The following NRXN1 variants were observed in gnomAD, a reference collection of about 807,000 sequenced individuals.
NRXN1 encodes the protein neurexin 1.
A neutral mutation model predicts 150.9 loss-of-function variants in NRXN1; 39 were observed. That is an observed-to-expected ratio of 0.26 (90% CI 0.20 to 0.34). The LOEUF is 0.34. Among genes scored for constraint, NRXN1 ranks in the 10% least tolerant of loss-of-function variants. NRXN1 has a pLI of 1.00. For synonymous variants in NRXN1, 924 were observed against 757.0 expected, an observed-to-expected ratio of 1.22 and a Z score of -3.62; for missense variants, 1,815 against 1,949.9, an observed-to-expected ratio of 0.93 and a Z score of 1.30.
chr2:50,243,906 C>T (rs2066267531), intron 17 of NRXN1, among the ~76,000 whole-genome samples: 1 of 151,642 alleles, frequency 6.6e-6, no homozygotes, highest in South Asian at 2.1e-4. Context: ...CAAAATAAAA[C>T]AATTGAGAAA....
chr2:50,431,830 A>G (rs2084988922), intron 17 of NRXN1, among the ~76,000 whole-genome samples: 1 of 150,728 alleles, frequency 6.6e-6, no homozygotes. Context: ...GATGGTTCTC[A>G]ACTTTTTTTT....
intron 2 of NRXN1, among the ~76,000 whole-genome samples, chr2:50,948,108 C>G (rs1197205312): frequency 1.3e-5 from 2 of 151,870 alleles, no homozygotes; most frequent in Non-Finnish European, 2.9e-5. Context: ...GCATATGGCA[C>G]AGACACCACA....
chr2:50,581,895 T>C (rs1028102829), intron 8 of NRXN1, among the ~76,000 whole-genome samples: 9 of 152,146 alleles, frequency 5.9e-5, no homozygotes, highest in African/African-American at 2.2e-4. Flanking sequence ...TAGGTGCGCT[T>C]GGAACCATGG....
intron 8 of NRXN1, chr2:50,588,778 A>C (rs1478033428): frequency 6.6e-6 from 1 of 152,162 alleles, no homozygotes; most frequent in African/African-American, 2.4e-5. Context: ...GTACCGCGGC[A>C]GATCATTTGA....
intron 8 of NRXN1, among the ~76,000 whole-genome samples, chr2:50,556,024 C>A (rs1668194740): frequency 6.6e-6 from 1 of 152,142 alleles, no homozygotes; most frequent in Non-Finnish European, 1.5e-5. Flanking sequence ...CTCTTTCCTA[C>A]AAGAACTATC....
At chr2:50,860,120 A>T (rs2106024975) in intron 5 of NRXN1, among the ~76,000 whole-genome samples, 1 of 151,822 alleles carries the variant, frequency 6.6e-6, no homozygotes, top group African/African-American at 2.4e-5. Context: ...GATGAAAAAG[A>T]ATACAAGAAG....
chr2:50,484,943 T>C (rs1018490702), intron 15 of NRXN1, among the ~76,000 whole-genome samples: 6 of 152,238 alleles, frequency 3.9e-5, no homozygotes, highest in Non-Finnish European at 7.3e-5. Flanking sequence ...CTTTTCACTG[T>C]AGACATTCAG....
At chr2:50,371,559 T>C (rs754746733) in intron 17 of NRXN1, among the ~76,000 whole-genome samples, 1 of 152,008 alleles carries the variant, frequency 6.6e-6, no homozygotes, top group Non-Finnish European at 1.5e-5. Flanking sequence ...TATTCAGAGT[T>C]GCAAGGTTAA....
intron 21 of NRXN1, among the ~76,000 whole-genome samples, chr2:50,011,504 C>A (rs941845961): frequency 6.6e-6 from 1 of 152,038 alleles, no homozygotes; most frequent in Non-Finnish European, 1.5e-5. Context: ...GGAATTATAA[C>A]CTTACTTATC....
intron 17 of NRXN1, among the ~76,000 whole-genome samples, chr2:50,420,983 TG>T (rs2083946242): frequency 6.9e-6 from 1 of 144,266 alleles, no homozygotes; most frequent in South Asian, 2.1e-4. Flanking sequence ...TGTGTGTGTG[TG>T]TGTGTGTGTG....
chr2:50,860,393 T>G (rs973790454), intron 5 of NRXN1, among the ~76,000 whole-genome samples: 1 of 152,074 alleles, frequency 6.6e-6, no homozygotes, highest in Admixed American at 6.6e-5. Context: ...TATATGATTT[T>G]AGAGAAGGGA....
At chr2:50,473,236 C>T (rs918401428) in intron 15 of NRXN1, among the ~76,000 whole-genome samples, 4 of 151,780 alleles carry the variant, frequency 2.6e-5, no homozygotes, top group Admixed American at 6.6e-5. Context: ...CTCTGAAATC[C>T]GTTAACAAAT....
chr2:50,649,779 G>A (rs1018242680), intron 5 of NRXN1, among the ~76,000 whole-genome samples: 8 of 152,008 alleles, frequency 5.3e-5, no homozygotes, highest in African/African-American at 1.9e-4. Flanking sequence ...GAATTTTGTT[G>A]ACAAACTAGC....
At position 50,506,490 on chromosome 2, in the gene NRXN1, T is replaced by C. The variant is rs1573307996; in HGVS notation, c.2497+5A>G. 6.2e-7 allele frequency: 1 copy of C among 1,611,808 alleles called. No homozygotes were observed. The highest frequency in any genetic ancestry group is 8.5e-7 in the Non-Finnish European group (1 of 1,178,636). ...AGGAAAAGACAATGGGACAGAGGTGTTTACCTGTCATGGCCTGTTGGTCAT... is the reference window on the plus strand; with the variant it reads ...AGGAAAAGACAATGGGACAGAGGTGCTTACCTGTCATGGCCTGTTGGTCAT... On this transcript the variant is annotated splice_donor_5th_base_variant and intron_variant, in intron 13 of 22. Coordinates refer to ENST00000401669, the MANE Select transcript of NRXN1 (RefSeq NM_001330078.2).
intron 21 of NRXN1, among the ~76,000 whole-genome samples, chr2:50,038,989 C>T (rs553128332): frequency 1.5e-4 from 23 of 151,808 alleles, no homozygotes; most frequent in African/African-American, 4.3e-4. Flanking sequence ...ACCAGCCTGG[C>T]CAGTGTGGTG....
intron 17 of NRXN1, among the ~76,000 whole-genome samples, chr2:50,249,773 G>A (rs766571866): frequency 1.3e-5 from 2 of 151,972 alleles, no homozygotes. Flanking sequence ...AAGTAGCTGG[G>A]ATCATAGATA....
chr2:50,189,957 A>C (rs1017446588), intron 18 of NRXN1, among the ~76,000 whole-genome samples: 1 of 152,180 alleles, frequency 6.6e-6, no homozygotes, highest in African/African-American at 2.4e-5. Flanking sequence ...ATCAAACTCA[A>C]ACAATATACA....
intron 19 of NRXN1, among the ~76,000 whole-genome samples, chr2:50,059,193 G>A (rs536337595): frequency 5.3e-5 from 8 of 152,108 alleles, no homozygotes; most frequent in Admixed American, 3.9e-4. Flanking sequence ...ATGGAGATGA[G>A]GAACTTATTG....
At chr2:50,333,500 G>A (rs1478575336) in intron 17 of NRXN1, among the ~76,000 whole-genome samples, 3 of 152,080 alleles carry the variant, frequency 2.0e-5, no homozygotes, top group African/African-American at 7.2e-5. Context: ...AGTAATGAAG[G>A]AGGATGTGTG....
Sources: gnomAD v4.1 joint callset for allele counts (sites outside exome capture counted in the v4.1 genomes callset) on GRCh38, gnomAD v4.1.1 for gene constraint, MANE v1.5 for transcripts, NCBI Gene and HGNC (gene_info 2026-07-23, HGNC 2026-07-21) for gene names.